The following ITGA1 variants were observed in gnomAD, a reference collection of about 807,000 sequenced individuals.
ITGA1 encodes the protein integrin subunit alpha 1.
In ITGA1, 85 loss-of-function variants were observed where a neutral mutation model predicts 145.9. The ratio of observed to expected loss-of-function variants is 0.58; its 90% CI spans 0.49 to 0.70. ITGA1 has a LOEUF of 0.70. ITGA1 is among the 30% of genes least tolerant of loss of function. The probability of loss-of-function intolerance (pLI) is 0.00; values close to 1 mark genes in which losing one functional copy is unlikely to be tolerated. For synonymous variants in ITGA1, 520 were observed against 495.3 expected, an observed-to-expected ratio of 1.05 and a Z score of -0.66; for missense variants, 1,351 against 1,418.7, an observed-to-expected ratio of 0.95 and a Z score of 0.77.
rs1346082736 is a variant in ITGA1 at position 52,878,639 on chromosome 5, G to A, written c.625-3234G>A. ...TTTTCCCAAGGAGTTGGCAGTTTAC[G>A]ACAATTAGATTAAAACCAATAAATG... On this transcript the variant is annotated intron_variant, in intron 6 of 28. Transcript: ENST00000282588. Among the ~76,000 whole-genome samples, 4 of 152,280 alleles carry A rather than the reference G, an allele frequency of 2.6e-5. No homozygotes were observed. In the South Asian group the frequency reaches 6.2e-4, roughly 24 times the overall value.
At chr5:52,867,425 A>G (rs557074173) in intron 6 of ITGA1, among the ~76,000 whole-genome samples, 175 of 152,240 alleles carry the variant, frequency 1.1e-3, no homozygotes, top group African/African-American at 4.0e-3. Flanking sequence ...ACAAAATGTA[A>G]TTTTCCCTGG....
intron 6 of ITGA1, among the ~76,000 whole-genome samples, chr5:52,873,258 C>T (rs1035979535): frequency 6.6e-6 from 1 of 152,168 alleles, no homozygotes; most frequent in Non-Finnish European, 1.5e-5. Flanking sequence ...CTTTTCTTTG[C>T]AGGTGTTTAC....
chr5:52,816,944 T>C (rs944102685), intron 1 of ITGA1, among the ~76,000 whole-genome samples: 9 of 152,198 alleles, frequency 5.9e-5, no homozygotes, highest in Non-Finnish European at 1.3e-4. Context: ...ACCTAGCAGC[T>C]GGATTCCTTT....
intron 1 of ITGA1, among the ~76,000 whole-genome samples, chr5:52,797,334 C>T (rs1305871544): frequency 6.6e-6 from 1 of 151,602 alleles, no homozygotes; most frequent in Non-Finnish European, 1.5e-5. Flanking sequence ...ATTTTTTTAA[C>T]CATGGATTTA....
chr5:52,813,478 A>T (rs1282618945), intron 1 of ITGA1, among the ~76,000 whole-genome samples: 1 of 152,210 alleles, frequency 6.6e-6, no homozygotes, highest in African/African-American at 2.4e-5. Context: ...TAATACAAGA[A>T]ATGAAGAAAT....
At chr5:52,950,733 C>G (rs1412119666) in intron 28 of ITGA1, among the ~76,000 whole-genome samples, 5 of 152,118 alleles carry the variant, frequency 3.3e-5, no homozygotes, top group African/African-American at 1.2e-4. Flanking sequence ...TAAAATAGAA[C>G]ATTTAATGTG....
chr5:52,804,176 A>G (rs1180568604), intron 1 of ITGA1: 2 of 152,196 alleles, frequency 1.3e-5, no homozygotes, highest in African/African-American at 4.8e-5. Flanking sequence ...TGGAAAGCAT[A>G]TACAGTAGTC....
At chr5:52,926,816 C>T (rs549371088) in intron 19 of ITGA1, among the ~76,000 whole-genome samples, 32 of 152,126 alleles carry the variant, frequency 2.1e-4, no homozygotes, top group African/African-American at 7.5e-4. Context: ...ATGATGGCAA[C>T]CATTTCTTGA....
intron 19 of ITGA1, among the ~76,000 whole-genome samples, chr5:52,926,993 C>T (rs1445495298): frequency 4.6e-5 from 7 of 152,112 alleles, no homozygotes; most frequent in East Asian, 1.9e-4. Flanking sequence ...TGTTTATTTA[C>T]GTGGCAGTGT....
rs577140725 is a variant in ITGA1, at chr5:52,914,641, G to C, written c.1858-823G>C. On this transcript the variant is annotated intron_variant, in intron 14 of 28. Coordinates refer to ENST00000282588, the MANE Select transcript of ITGA1 (RefSeq NM_181501.2). ...AAATACTTTCAAACGAGCCTCACCT[G>C]TTTAAGGATGAAAAATGTTTCCATT... 5.1e-4 allele frequency among the ~76,000 whole-genome samples: 77 copies of C among 151,200 alleles called. 1 individual carries two copies. The highest frequency in any genetic ancestry group is 1.7e-3 in the African/African-American group (71 of 41,006).
At chr5:52,893,617 TC>T in intron 8 of ITGA1, 57 bp from the exon 9 acceptor site, 1 of 1,466,846 alleles carries the variant, frequency 6.8e-7, no homozygotes, top group Non-Finnish European at 9.3e-7. Flanking sequence ...ATGCTTGAGA[TC>T]CTTTATTTAA....
chr5:52,928,624 C>G (rs1383059401), intron 20 of ITGA1, among the ~76,000 whole-genome samples: 1 of 152,158 alleles, frequency 6.6e-6, no homozygotes, highest in Non-Finnish European at 1.5e-5. Flanking sequence ...CCCAGGCAAC[C>G]ACTAACCTGC....
intron 2 of ITGA1, among the ~76,000 whole-genome samples, chr5:52,858,826 T>C (rs1333097062): frequency 6.6e-6 from 1 of 152,186 alleles, no homozygotes; most frequent in Non-Finnish European, 1.5e-5. Context: ...TAGCACATAC[T>C]ATAAGCCAAA....
At chr5:52,940,322 G>A (rs1179447467) in intron 26 of ITGA1, among the ~76,000 whole-genome samples, 1 of 151,770 alleles carries the variant, frequency 6.6e-6, no homozygotes, top group Non-Finnish European at 1.5e-5. Flanking sequence ...AAAGGAAAGA[G>A]CTAACATATA....
At chr5:52,936,566 T>A (rs547558077) in intron 23 of ITGA1, among the ~76,000 whole-genome samples, 14 of 152,218 alleles carry the variant, frequency 9.2e-5, no homozygotes, top group Admixed American at 2.0e-4. Context: ...ATGCCATAGG[T>A]TTCAGGCCTG....
intron 1 of ITGA1, among the ~76,000 whole-genome samples, chr5:52,846,406 A>G (rs1334675461): frequency 6.6e-6 from 1 of 152,188 alleles, no homozygotes; most frequent in Admixed American, 6.5e-5. Context: ...CAGCCTTAAA[A>G]AAGAAAAAAA....
At chr5:52,951,312 A>C (rs1354802836) in intron 28 of ITGA1, among the ~76,000 whole-genome samples, 2 of 152,166 alleles carry the variant, frequency 1.3e-5, no homozygotes, top group African/African-American at 4.8e-5. Context: ...AATTTGAAAA[A>C]TCACTTACCT....
At chr5:52,825,141 G>A (rs1748939844) in intron 1 of ITGA1, 1 of 152,072 alleles carries the variant, frequency 6.6e-6, no homozygotes, top group Admixed American at 6.6e-5. Flanking sequence ...CTACAGATCT[G>A]TTTTCTGTTC....
At chr5:52,898,871 C>T (rs2111831525) in intron 11 of ITGA1, among the ~76,000 whole-genome samples, 1 of 152,282 alleles carries the variant, frequency 6.6e-6, no homozygotes, top group African/African-American at 2.4e-5. Flanking sequence ...GCTCCATTCA[C>T]AATCAGACAA....
Sources: allele counts gnomAD v4.1 joint callset (sites outside exome capture counted in the v4.1 genomes callset), GRCh38; gene constraint gnomAD v4.1.1; transcripts MANE v1.5; gene names NCBI Gene and HGNC (gene_info 2026-07-23, HGNC 2026-07-21).